The following LHFPL3 variants were observed in gnomAD, a reference collection of about 807,000 sequenced individuals.
The protein encoded by LHFPL3 is LHFPL tetraspan subfamily member 3, also known as LHFPL tetraspan subfamily member 3 protein.
A neutral mutation model predicts 19.3 loss-of-function variants in LHFPL3; 5 were observed. That is an observed-to-expected ratio of 0.26 (90% confidence interval 0.14 to 0.54). The LOEUF (loss-of-function observed/expected upper bound fraction) is 0.54. Ranked by LOEUF, LHFPL3 falls within the 20% of genes least tolerant of loss-of-function variation. LHFPL3 has a pLI of 0.94. For missense variants in LHFPL3, 249 were observed against 307.4 expected, an observed-to-expected ratio of 0.81 and a Z score of 1.42; for synonymous variants, 133 against 126.2, an observed-to-expected ratio of 1.05 and a Z score of -0.36.
intron 1 of LHFPL3, among the ~76,000 whole-genome samples, chr7:104,358,220 GGA>G (rs1790321487): frequency 6.6e-6 from 1 of 152,130 alleles, no homozygotes; most frequent in Non-Finnish European, 1.5e-5. Context: ...AAAAAGTGTC[GGA>G]ACTGGTAGTA....
intron 1 of LHFPL3, among the ~76,000 whole-genome samples, chr7:104,667,518 A>G (rs896910369): frequency 2.0e-5 from 3 of 152,204 alleles, no homozygotes; most frequent in Admixed American, 6.6e-5. Flanking sequence ...AGCAGAATCA[A>G]TGTTGTCTGG....
chr7:104,524,296 CAA>C (rs1291752213), intron 1 of LHFPL3, among the ~76,000 whole-genome samples: 1 of 152,088 alleles, frequency 6.6e-6, no homozygotes, highest in Non-Finnish European at 1.5e-5. Context: ...CAGAAAGAGT[CAA>C]ACTCTCGGGA....
chr7:104,425,090 G>C (rs1314528332), intron 1 of LHFPL3, among the ~76,000 whole-genome samples: 1 of 150,586 alleles, frequency 6.6e-6, no homozygotes, highest in Non-Finnish European at 1.5e-5. Flanking sequence ...AGGGGACAAA[G>C]ACATGAGGTA....
intron 1 of LHFPL3, among the ~76,000 whole-genome samples, chr7:104,590,175 T>C (rs1790679136): frequency 6.6e-6 from 1 of 152,220 alleles, no homozygotes; most frequent in Non-Finnish European, 1.5e-5. Flanking sequence ...TGTATGCTCT[T>C]TCTTCTCTAG....
chr7:104,904,474 A>C (rs1055837356), intron 2 of LHFPL3, among the ~76,000 whole-genome samples: 2 of 152,178 alleles, frequency 1.3e-5, no homozygotes, highest in African/African-American at 2.4e-5. Context: ...AACATGGCAA[A>C]ACCCTGTCTC....
chr7:104,595,337 T>A (rs1246074152), intron 1 of LHFPL3, among the ~76,000 whole-genome samples: 2 of 152,210 alleles, frequency 1.3e-5, no homozygotes, highest in Non-Finnish European at 2.9e-5. Flanking sequence ...GGAGTTCCAC[T>A]CCAGACCCTG....
chr7:104,548,561 A>G (rs1185245208), intron 1 of LHFPL3, among the ~76,000 whole-genome samples: 2 of 152,220 alleles, frequency 1.3e-5, no homozygotes, highest in African/African-American at 2.4e-5. Flanking sequence ...ATAGAGTATT[A>G]TATAAACAAA....
chr7:104,549,479 A>ACACACACC (rs1182625297), intron 1 of LHFPL3, among the ~76,000 whole-genome samples: 2 of 151,486 alleles, frequency 1.3e-5, no homozygotes, highest in South Asian at 2.1e-4. Context: ...ACACACACAC[A>ACACACACC]CACACACACA....
At chr7:104,663,637 T>C (rs1234394507) in intron 1 of LHFPL3, among the ~76,000 whole-genome samples, 1 of 152,212 alleles carries the variant, frequency 6.6e-6, no homozygotes, top group Non-Finnish European at 1.5e-5. Flanking sequence ...ATGCCAAAGG[T>C]ATATGCCAAA....
At position 104,729,932 on chromosome 7, in the gene LHFPL3, T is replaced by C. The variant is rs994143553; in HGVS notation, c.446-6743T>C. Among the ~76,000 whole-genome samples the C allele has an allele frequency of 2.6e-5, 4 of 151,812 alleles. No individual in the cohort carries two copies. In the East Asian group the frequency reaches 7.7e-4, roughly 29 times the overall value. ...CACAACAGGCCCCAGTGTGTGATGT[T>C]CCCCTTCCTGTGTCCAAGTGTTCTC... On this transcript the variant is annotated intron_variant, in intron 1 of 2. Coordinates refer to ENST00000424859, the MANE Select transcript of LHFPL3 (RefSeq NM_199000.3).
rs756087377 is a variant in LHFPL3 at position 104,614,657 on chromosome 7, T to TCTTCTC, written c.446-122018_446-122017insCTTCTC. Among the ~76,000 whole-genome samples the TCTTCTC allele has an allele frequency of 3.9e-3, 320 of 82,276 alleles. 1 individual carries two copies. Among genetic ancestry groups the TCTTCTC allele is most frequent in the Middle Eastern group, 5.7e-3 (1 of 174 alleles). The allele number at this position is 82,276 out of a possible 152,430, so 54.0% of individuals were successfully genotyped here. ...TCTTCTCTTCTCTTCTCTTCTCTCCTTCCTTCCTTCCTTCCTTCCTTCCTT... is the reference window on the plus strand; with the variant it reads ...TCTTCTCTTCTCTTCTCTTCTCTCCTCTTCTCTCCTTCCTTCCTTCCTTCCTTCCTT... On this transcript the variant is annotated intron_variant, in intron 1 of 2. Coordinates refer to ENST00000424859, the MANE Select transcript of LHFPL3 (RefSeq NM_199000.3).
intron 1 of LHFPL3, among the ~76,000 whole-genome samples, chr7:104,486,265 G>A (rs1399106871): frequency 6.6e-6 from 1 of 152,188 alleles, no homozygotes; most frequent in Non-Finnish European, 1.5e-5. Context: ...TTATGATTCT[G>A]TGGCTAGTTC....
At chr7:104,401,291 T>G (rs2116493879) in intron 1 of LHFPL3, among the ~76,000 whole-genome samples, 1 of 152,304 alleles carries the variant, frequency 6.6e-6, no homozygotes, top group East Asian at 1.9e-4. Flanking sequence ...AAATTAAGCC[T>G]GAGAAAAATA....
rs115813742 is a variant in LHFPL3 at position 104,439,016 on chromosome 7, C to A, written c.445+109792C>A. Among the ~76,000 whole-genome samples the A allele has an allele frequency of 4.3e-3, 656 of 152,140 alleles. 6 individuals are homozygous for A. Among genetic ancestry groups the A allele is most frequent in the African/African-American group, 0.015 (613 of 41,552 alleles). ...GAAATTGACAATTTTTTGAAAAACA[C>A]AAATTATCAAAACTTAAACAAGATG... On this transcript the variant is annotated intron_variant, in intron 1 of 2. Transcript: ENST00000424859.
intron 1 of LHFPL3, among the ~76,000 whole-genome samples, chr7:104,570,389 G>T (rs1279955935): frequency 6.6e-6 from 1 of 152,116 alleles, no homozygotes; most frequent in Non-Finnish European, 1.5e-5. Context: ...TTCAATAGTG[G>T]AATTTCAAGA....
At position 104,408,864 on chromosome 7, in the gene LHFPL3, C is replaced by CTTTTTTTTTTTTTTTTT. The variant is rs561975535; in HGVS notation, c.445+79642_445+79658dup. On this transcript the variant is annotated intron_variant, in intron 1 of 2. Coordinates refer to ENST00000424859, the MANE Select transcript of LHFPL3 (RefSeq NM_199000.3). ...AGGCACTAGTGTTGTAATTTTCTTT[C>CTTTTTTTTTTTTTTTTT]TTTTTTTTTTTTTTTTTTGAGACGG... Among the ~76,000 whole-genome samples the CTTTTTTTTTTTTTTTTT allele has an allele frequency of 9.4e-4, 99 of 105,430 alleles. 9 individuals are homozygous for CTTTTTTTTTTTTTTTTT. The highest frequency in any genetic ancestry group is 1.1e-3 in the Non-Finnish European group (61 of 54,776). The allele number at this position is 105,430 out of a possible 152,430, so 69.2% of individuals were successfully genotyped here. A position where few individuals can be genotyped will look rare whatever the true frequency, so the allele number is the denominator to read the frequency against.
chr7:104,525,032 G>T (rs1304820463), intron 1 of LHFPL3, among the ~76,000 whole-genome samples: 2 of 152,176 alleles, frequency 1.3e-5, no homozygotes, highest in African/African-American at 4.8e-5. Flanking sequence ...TGAGAAGGTG[G>T]TGCTGATTTA....
At chr7:104,569,681 C>T (rs118156159) in intron 1 of LHFPL3, among the ~76,000 whole-genome samples, 1,718 of 152,022 alleles carry the variant, frequency 0.011, 17 homozygotes, top group Non-Finnish European at 0.017. Flanking sequence ...TTTTATATGC[C>T]GGGCACAATG....
chr7:104,378,051 A>G (rs1401014517), intron 1 of LHFPL3, among the ~76,000 whole-genome samples: 1 of 152,244 alleles, frequency 6.6e-6, no homozygotes, highest in Non-Finnish European at 1.5e-5. Context: ...TAGAATTTAT[A>G]TACAAGAAAA....
Sources: gnomAD v4.1 joint callset for allele counts (sites outside exome capture counted in the v4.1 genomes callset) on GRCh38, gnomAD v4.1.1 for gene constraint, MANE v1.5 for transcripts, NCBI Gene and HGNC (gene_info 2026-07-23, HGNC 2026-07-21) for gene names.